KAZALD1: variants seen among roughly 807,000 people sequenced by gnomAD.
The protein encoded by KAZALD1 is kazal-type serine protease inhibitor domain-containing protein 1.
Under a neutral mutation model 27.7 loss-of-function variants are expected in KAZALD1, and 31 were observed. The ratio of observed to expected loss-of-function variants is 1.12; its 90% CI spans 0.84 to 1.51. The LOEUF (loss-of-function observed/expected upper bound fraction) is 1.51. Among genes scored for constraint, KAZALD1 ranks in the 40% most tolerant of loss-of-function variants. KAZALD1 has a pLI of 0.00. For missense variants in KAZALD1, 444 were observed against 408.9 expected (o/e 1.09, Z -0.74); for synonymous variants, 179 against 182.0 (o/e 0.98, Z 0.13).
chr10:101,064,675 T>A (rs576525121), intron 4 of KAZALD1, 27 bp downstream of exon 4: 18 of 1,612,580 alleles, frequency 1.1e-5, no homozygotes, highest in Non-Finnish European at 1.5e-5. Context: ...GTTCTGGGGG[T>A]TGGGGGGATG....
rs12359843 is a variant in KAZALD1, at chr10:101,065,003, G to A, written c.*83G>A. On this transcript the variant is annotated 3_prime_UTR_variant, in exon 5 of 5. Transcript: ENST00000370200. ...TGAAAAGACCTGGAAAGGGGAGCAG[G>A]GTCCCTTCATCGACTGCTTTCATGC... The A allele has an allele frequency of 8.0e-6, 8 of 999,196 alleles. No individual in the cohort carries two copies. In the East Asian group the frequency reaches 1.5e-4, roughly 18 times the overall value. The allele number at this position is 999,196 out of a possible 1,614,324, so 61.9% of individuals were successfully genotyped here.
rs773895183 is a variant in KAZALD1, at chr10:101,064,962, T to C, written c.*42T>C. On this transcript the variant is annotated 3_prime_UTR_variant, in exon 5 of 5. Transcript: ENST00000370200. ...CATGGGGGTGGGTGAGCGGCTATAG[T>C]GTTCATCCCTGCTCTTGAAAAGACC... 9 of 1,386,552 alleles carry C rather than the reference T, an allele frequency of 6.5e-6. No homozygotes were observed. The Admixed American group carries it at 1.2e-4, about 18-fold the overall frequency. 85.9% of individuals were successfully genotyped at this position (1,386,552 alleles called of 1,614,324 possible). A position where few individuals can be genotyped will look rare whatever the true frequency, so the allele number is the denominator to read the frequency against.
chr10:101,063,066 C>T lies in KAZALD1; in HGVS notation c.474C>T (p.Ala158=), dbSNP rs1277740084. The change falls in exon 2 of 5, where the codon GCC becomes GCT. Residue 158 remains alanine, a synonymous_variant. Coordinates refer to ENST00000370200, the MANE Select transcript of KAZALD1 (RefSeq NM_030929.5). ...AGGCGGCCCGCGCTCGGCCCGATGCCAACCTCACTGTGGCACACCCGGGGC... is the reference window on the plus strand; with the variant it reads ...AGGCGGCCCGCGCTCGGCCCGATGCTAACCTCACTGTGGCACACCCGGGGC... ...LQEAARARPD[A]NLTVAHPGPC... is the part of the protein sequence containing the mutation. The T allele has an allele frequency of 1.3e-6, 2 of 1,577,972 alleles. No homozygotes were observed. The highest frequency in any genetic ancestry group is 2.7e-5 in the African/African-American group (2 of 74,004).
chr10:101,063,521 C>G (rs942783449), intron 2 of KAZALD1, among the ~76,000 whole-genome samples: 1 of 152,200 alleles, frequency 6.6e-6, no homozygotes, highest in Admixed American at 6.5e-5. Flanking sequence ...AGTTTGTTCA[C>G]CCAGTCTCCC....
At position 101,063,086 on chromosome 10, in the gene KAZALD1, C is replaced by T. The variant is rs1341142230; in HGVS notation, c.494C>T (p.Pro165Leu). 1.3e-6 allele frequency: 2 copies of T among 1,555,096 alleles called. No individual in the cohort carries two copies. Among genetic ancestry groups the T allele is most frequent in the Non-Finnish European group, 1.7e-6 (2 of 1,153,048 alleles). Residue 165 changes from proline (P) to leucine (L), a missense_variant, in exon 2 of 5, where the codon CCG (proline) becomes CTG (leucine). Coordinates refer to ENST00000370200, the MANE Select transcript of KAZALD1 (RefSeq NM_030929.5). Reference protein sequence around the residue: ...RPDANLTVAHPGPCESGPQIV... With the variant: ...RPDANLTVAHLGPCESGPQIV... ...GATGCCAACCTCACTGTGGCACACC[C>T]GGGGCCCTGCGAATCGGGTACGCAT... is the stretch of plus-strand genomic sequence containing the variant.
chr10:101,067,656 G>A, downstream of KAZALD1: 1 of 337,224 alleles, frequency 3.0e-6, no homozygotes, highest in Non-Finnish European at 5.9e-6. Flanking sequence ...GCTCGTCACC[G>A]CGAAGGCTCC....
downstream of KAZALD1, chr10:101,067,088 C>T (rs1023613205): frequency 5.7e-6 from 2 of 348,838 alleles, no homozygotes; most frequent in African/African-American, 4.3e-5. Context: ...AATGAGAGCG[C>T]GGGCGGCGTT....
rs904646128 is a variant in KAZALD1, at chr10:101,066,959, C to T, written c.*2039C>T. On this transcript the variant is annotated 3_prime_UTR_variant, in exon 5 of 5. Coordinates refer to ENST00000370200, the MANE Select transcript of KAZALD1 (RefSeq NM_030929.5). ...CGCACCCCGCCTCTGCTGCAGCGGA[C>T]CCGCTTTAATAATGTCGCTGGAAAG... 6.4e-6 allele frequency: 2 copies of T among 314,372 alleles called. No individual in the cohort carries two copies. Among genetic ancestry groups the T allele is most frequent in the African/African-American group, 2.2e-5 (1 of 45,502 alleles). The allele number at this position is 314,372 out of a possible 1,614,324, so 19.5% of individuals were successfully genotyped here.
chr10:101,064,558 C>A lies in KAZALD1; in HGVS notation c.730C>A (p.Arg244Ser), dbSNP rs142623306. 8.1e-6 allele frequency: 13 copies of A among 1,614,128 alleles called. No individual in the cohort carries two copies. The African/African-American group carries it at 1.7e-4, about 22-fold the overall frequency. ...VTGWLQIQAV[R>S]PSDEGTYRCL... ...TGGCTGGCTGCAGATCCAGGCTGTG[C>A]GTCCCAGTGATGAGGGCACTTACCG... The change falls in exon 4 of 5, where the codon CGT becomes AGT. Residue 244 changes from arginine (R) to serine (S), a missense_variant. By Grantham distance (110) the Arg-to-Ser change is moderately radical. Transcript: ENST00000370200.
rs750958873 is a variant in KAZALD1, at chr10:101,062,592, C to T, written c.-1C>T. ...AGTGCTCGCAGGGCTTCCCGCTAAC[C>T]ATGCTGCCGCCGCCGCGGCCCGCAG... On this transcript the variant is annotated 5_prime_UTR_variant, in exon 2 of 5. Coordinates refer to ENST00000370200, the MANE Select transcript of KAZALD1 (RefSeq NM_030929.5). The T allele has an allele frequency of 1.4e-5, 22 of 1,585,010 alleles. No homozygotes were observed. Among genetic ancestry groups the T allele is most frequent in the Non-Finnish European group, 1.2e-5 (14 of 1,174,802 alleles).
intron 4 of KAZALD1, 59 bp from the exon 5 acceptor site, chr10:101,064,767 T>A: frequency 1.2e-6 from 2 of 1,601,190 alleles, no homozygotes; most frequent in Non-Finnish European, 1.7e-6. Flanking sequence ...GACTGGGCTA[T>A]GTGGGCACCG....
chr10:101,062,567 A>G lies in KAZALD1; in HGVS notation c.-26A>G. ...GGTGCCCGAACGCGCTGATGCCCCG[A>G]GTGCTCGCAGGGCTTCCCGCTAACC... On this transcript the variant is annotated 5_prime_UTR_variant, in exon 2 of 5. Coordinates refer to ENST00000370200, the MANE Select transcript of KAZALD1 (RefSeq NM_030929.5). The G allele has an allele frequency of 3.2e-6, 5 of 1,576,704 alleles. No homozygotes were observed. Among genetic ancestry groups the G allele is most frequent in the Non-Finnish European group, 4.3e-6 (5 of 1,170,980 alleles).
downstream of KAZALD1, chr10:101,068,093 C>G (rs1009072317): frequency 4.6e-6 from 2 of 438,708 alleles, no homozygotes; most frequent in Non-Finnish European, 9.6e-6. Context: ...AGACAATTTA[C>G]TTGACTGGAA....
chr10:101,067,571 C>T, downstream of KAZALD1: 1 of 340,716 alleles, frequency 2.9e-6, no homozygotes, highest in Non-Finnish European at 5.8e-6. Context: ...AAGAGGAAGC[C>T]AGAGGGGGCT....
At chr10:101,067,122 C>T (rs1434098933), downstream of KAZALD1, 1 of 353,290 alleles carries the variant, frequency 2.8e-6, no homozygotes, top group African/African-American at 2.1e-5. Context: ...TCCCGCTGCT[C>T]CCGGGGGAAG....
At chr10:101,063,856 G>A (rs936975406) in intron 2 of KAZALD1, among the ~76,000 whole-genome samples, 1 of 152,222 alleles carries the variant, frequency 6.6e-6, no homozygotes, top group African/African-American at 2.4e-5. Context: ...TGGGAACTGG[G>A]CCTGTTTAGA....
At chr10:101,067,154 G>A (rs1289180401), downstream of KAZALD1, 2 of 407,464 alleles carry the variant, frequency 4.9e-6, no homozygotes, top group Admixed American at 2.6e-5. Context: ...GGAGGGAGGG[G>A]GAGGGAGGAG....
chr10:101,065,558 C>T lies in KAZALD1; in HGVS notation c.*638C>T, dbSNP rs1939299587. On this transcript the variant is annotated 3_prime_UTR_variant, in exon 5 of 5. Coordinates refer to ENST00000370200, the MANE Select transcript of KAZALD1 (RefSeq NM_030929.5). ...GTATTGGACAAAGGCTAGCACAGGG[C>T]TAGGCACCAATAAAGATTTCTAATG... 1 of 153,236 alleles carries T rather than the reference C, an allele frequency of 6.5e-6. No homozygotes were observed. Among genetic ancestry groups the T allele is most frequent in the Non-Finnish European group, 1.5e-5 (1 of 68,872 alleles). The allele number at this position is 153,236 out of a possible 1,614,324, so 9.5% of individuals were successfully genotyped here.
In KAZALD1 at chr10:101,064,358, C is replaced by T. The variant is rs554873403; in HGVS notation, c.609C>T (p.Ile203=). 20 of 1,614,132 alleles carry T rather than the reference C, an allele frequency of 1.2e-5. No homozygotes were observed. The highest frequency in any genetic ancestry group is 4.5e-5 in the East Asian group (2 of 44,876). ...CEVFAYPMAS[I]EWRKDGLDIQ... ...TGTTTGCCTACCCCATGGCCTCCATCGAGTGGAGGAAGGATGGCTTGGACA... is the reference window on the plus strand; with the variant it reads ...TGTTTGCCTACCCCATGGCCTCCATTGAGTGGAGGAAGGATGGCTTGGACA... The change falls in exon 3 of 5, where the codon ATC becomes ATT. Residue 203 remains isoleucine (I), a synonymous_variant. Transcript: ENST00000370200.
Sources: allele counts gnomAD v4.1 joint callset (sites outside exome capture counted in the v4.1 genomes callset), GRCh38; gene constraint gnomAD v4.1.1; transcripts MANE v1.5; gene names NCBI Gene and HGNC (gene_info 2026-07-23, HGNC 2026-07-21).